NFIB: variants seen among roughly 807,000 people sequenced by gnomAD.
The protein encoded by NFIB is nuclear factor I B, also known as nuclear factor 1 B-type.
Under a neutral mutation model 61.5 loss-of-function variants are expected in NFIB, and 11 were observed. The observed-to-expected ratio is 0.18, with a 90% confidence interval of 0.11 to 0.30. The LOEUF (loss-of-function observed/expected upper bound fraction) is 0.30. Among genes scored for constraint, NFIB ranks in the 10% least tolerant of loss-of-function variants. The pLI, the probability that NFIB is intolerant of heterozygous loss-of-function variation, is 1.00. For missense variants in NFIB, 471 were observed against 608.9 expected (o/e 0.77, Z 2.38); for synonymous variants, 260 against 216.5 (o/e 1.20, Z -1.76).
the NFIB span, among the ~76,000 whole-genome samples, chr9:14,411,968 C>G: frequency 7.2e-5 from 11 of 152,320 alleles, no homozygotes; most frequent in East Asian, 1.9e-3. Context: ...CAGAGGCCAA[C>G]AGCCACGTGA....
chr9:14,419,514 G>A, the NFIB span, among the ~76,000 whole-genome samples: 4 of 152,116 alleles, frequency 2.6e-5, 1 homozygote, highest in South Asian at 8.3e-4. Flanking sequence ...CTCTGCTGTA[G>A]CCATTTTGAA....
At chr9:14,333,117 C>T (rs970732747) in intron 1 of NFIB, among the ~76,000 whole-genome samples, 1 of 152,240 alleles carries the variant, frequency 6.6e-6, no homozygotes, top group African/African-American at 2.4e-5. Context: ...CTTGGCAGCA[C>T]CCTGCAAGCC....
At chr9:14,467,739 G>C in the NFIB span, among the ~76,000 whole-genome samples, 1 of 152,182 alleles carries the variant, frequency 6.6e-6, no homozygotes, top group African/African-American at 2.4e-5. Context: ...TTAGGTGCTT[G>C]AGATACATTA....
At chr9:14,179,596 A>G in intron 3 of NFIB, 131 bp downstream of exon 3, 2 of 878,032 alleles carry the variant, frequency 2.3e-6, no homozygotes, top group Non-Finnish European at 3.5e-6. Flanking sequence ...GCACAATCAC[A>G]TCTTGTCCCG....
chr9:14,462,095 T>G, the NFIB span, among the ~76,000 whole-genome samples: 2 of 152,208 alleles, frequency 1.3e-5, no homozygotes, highest in African/African-American at 2.4e-5. Flanking sequence ...TTCCAGCTCA[T>G]AAGGTATCCC....
In NFIB at chr9:14,261,537, A is replaced by G. The variant is rs1207137271; in HGVS notation, c.562+45452T>C. Reference sequence around the variant, plus strand: ...AAAATTAACTCACAAAAGGCAGATTAAGAGGAGAAATGGCATATAAATTTA... The same window carrying G: ...AAAATTAACTCACAAAAGGCAGATTGAGAGGAGAAATGGCATATAAATTTA... On this transcript the variant is annotated intron_variant, in intron 2 of 10. Transcript: ENST00000380953. Among the ~76,000 whole-genome samples, 5 of 152,340 alleles carry G rather than the reference A, an allele frequency of 3.3e-5. No individual in the cohort carries two copies. The South Asian group carries it at 8.3e-4, about 25-fold the overall frequency.
the NFIB span, among the ~76,000 whole-genome samples, chr9:14,447,738 T>C: frequency 6.6e-6 from 1 of 152,154 alleles, no homozygotes; most frequent in African/African-American, 2.4e-5. Context: ...GTGGACTCCC[T>C]ACCTTGGTGG....
chr9:14,191,067 C>T (rs1190507664), intron 2 of NFIB, among the ~76,000 whole-genome samples: 1 of 152,052 alleles, frequency 6.6e-6, no homozygotes, highest in East Asian at 1.9e-4. Context: ...GTGGTGGGTG[C>T]CTGTAGTCCC....
chr9:14,462,472 C>A, the NFIB span, among the ~76,000 whole-genome samples: 1 of 151,848 alleles, frequency 6.6e-6, no homozygotes, highest in African/African-American at 2.4e-5. Flanking sequence ...TTAGTGGAGA[C>A]GGGGTTTCAC....
chr9:14,422,787 G>A, the NFIB span, among the ~76,000 whole-genome samples: 1 of 152,146 alleles, frequency 6.6e-6, no homozygotes, highest in Admixed American at 6.5e-5. Context: ...AGAGTGCTGT[G>A]TTCCCAGCCC....
the NFIB span, among the ~76,000 whole-genome samples, chr9:14,517,650 G>A: frequency 1.3e-5 from 2 of 152,186 alleles, no homozygotes; most frequent in African/African-American, 4.8e-5. Flanking sequence ...TGTGTGTGTA[G>A]ATAGGGTGAT....
upstream of NFIB, among the ~76,000 whole-genome samples, chr9:14,316,122 C>G (rs2060533659): frequency 6.6e-6 from 1 of 152,332 alleles, no homozygotes; most frequent in African/African-American, 2.4e-5. Flanking sequence ...TTTTCCTTCA[C>G]CAAGTGGGAG....
the NFIB span, among the ~76,000 whole-genome samples, chr9:14,483,287 T>C: frequency 1.8e-4 from 28 of 152,360 alleles, no homozygotes; most frequent in South Asian, 3.1e-3. Context: ...TACATTCTAT[T>C]GTTACCACAT....
intron 2 of NFIB, among the ~76,000 whole-genome samples, chr9:14,214,333 G>A (rs1167363744): frequency 1.3e-5 from 2 of 152,324 alleles, no homozygotes; most frequent in African/African-American, 4.8e-5. Flanking sequence ...CCCCACTTAC[G>A]TGGTCCCCAT....
chr9:14,251,693 G>C (rs556431903), intron 2 of NFIB, among the ~76,000 whole-genome samples: 2 of 152,328 alleles, frequency 1.3e-5, no homozygotes, highest in African/African-American at 4.8e-5. Flanking sequence ...CCTGCAGGAG[G>C]TCAGCTAATC....
intron 2 of NFIB, among the ~76,000 whole-genome samples, chr9:14,198,871 C>T (rs1414952394): frequency 6.6e-6 from 1 of 152,212 alleles, no homozygotes. Context: ...AACCAATCTC[C>T]ACTTTTCTCC....
rs1309531414 is a variant in NFIB, at chr9:14,155,753, A to C, written c.685+72T>G. ...AATATGTGGTCACTCTTTATACTAC[A>C]TTTAAGGTTCAAAATATAAAGTATT... On this transcript the variant is annotated intron_variant, in intron 4 of 10. Transcript: ENST00000380953. 4.3e-6 allele frequency: 4 copies of C among 938,662 alleles called. No individual in the cohort carries two copies. In the East Asian group the frequency reaches 1.1e-4, roughly 26 times the overall value. The allele number at this position is 938,662 out of a possible 1,614,324, so 58.1% of individuals were successfully genotyped here.
At chr9:14,403,664 A>G (rs2061763972), upstream of NFIB, among the ~76,000 whole-genome samples, 1 of 152,200 alleles carries the variant, frequency 6.6e-6, no homozygotes, top group Non-Finnish European at 1.5e-5. Flanking sequence ...TGAAAATAAT[A>G]CAGGATGAAA....
At chr9:14,220,842 TACACACACAC>T (rs138623129) in intron 2 of NFIB, among the ~76,000 whole-genome samples, 175 of 123,088 alleles carry the variant, frequency 1.4e-3, no homozygotes, top group South Asian at 2.8e-3. Flanking sequence ...TCAATCTCCC[TACACACACAC>T]ACACACACAC....
Sources: allele counts gnomAD v4.1 joint callset (sites outside exome capture counted in the v4.1 genomes callset), GRCh38; gene constraint gnomAD v4.1.1; transcripts MANE v1.5; gene names NCBI Gene and HGNC (gene_info 2026-07-23, HGNC 2026-07-21).